The following FAM184B variants were observed in gnomAD, a reference collection of about 807,000 sequenced individuals.
FAM184B encodes the protein protein FAM184B.
In FAM184B, 111 loss-of-function variants were observed where a neutral mutation model predicts 135.9. The observed-to-expected ratio is 0.82, with a 90% confidence interval of 0.70 to 0.96. FAM184B has a LOEUF of 0.96. Among genes scored for constraint, FAM184B ranks in the 40% least tolerant of loss-of-function variants. The pLI is 0.00. For synonymous variants in FAM184B, 552 were observed against 524.8 expected (o/e 1.05, Z -0.71); for missense variants, 1,375 against 1,323.9 (o/e 1.04, Z -0.60).
intron 1 of FAM184B, among the ~76,000 whole-genome samples, chr4:17,721,888 C>T (rs544198015): frequency 7.2e-5 from 11 of 152,310 alleles, no homozygotes; most frequent in Admixed American, 3.9e-4. Flanking sequence ...ATGTGTTCCA[C>T]GCAGGAAGTT....
At chr4:17,767,854 T>C (rs1443577568) in intron 1 of FAM184B, among the ~76,000 whole-genome samples, 3 of 152,206 alleles carry the variant, frequency 2.0e-5, no homozygotes, top group African/African-American at 7.2e-5. Context: ...GAACTGAAAC[T>C]GAGTCTTCAA....
At chr4:17,673,218 C>T (rs995267397) in intron 7 of FAM184B, among the ~76,000 whole-genome samples, 6 of 151,836 alleles carry the variant, frequency 4.0e-5, no homozygotes, top group African/African-American at 1.5e-4. Flanking sequence ...TAATCAAAAC[C>T]ACAACGTGAT....
Position 17,635,112 on chromosome 4 carries a change from T to C in FAM184B, c.2786A>G (p.Glu929Gly), listed in dbSNP as rs1156939534. Residue 929 changes from glutamate (E) to glycine (G), a missense_variant and splice_region_variant, in exon 16 of 18, where the codon GAA becomes GGA. Coordinates refer to ENST00000265018, the MANE Select transcript of FAM184B (RefSeq NM_015688.2). Reference sequence around the variant, plus strand: ...TGCTGCGTAGTGAAATCTTCTCTCTTCCTAGAAAACCAATACAACTGAGTC... The same window carrying C: ...TGCTGCGTAGTGAAATCTTCTCTCTCCCTAGAAAACCAATACAACTGAGTC... ...EREDIIKQLT[E>G]ERRFHYAAFP... The C allele has an allele frequency of 1.3e-5, 20 of 1,550,898 alleles. No homozygotes were observed. Among genetic ancestry groups the C allele is most frequent in the East Asian group, 2.4e-5 (1 of 40,922 alleles).
chr4:17,781,081 CG>C lies in FAM184B; in HGVS notation c.141+77del. ...CTGTCTGGATTTGGCCCGGGCCTCC[CG>C]GGAGGCGCATCCGCACTGACTCCCG... On this transcript the variant is annotated intron_variant, in intron 1 of 17. Coordinates refer to ENST00000265018, the MANE Select transcript of FAM184B (RefSeq NM_015688.2). The surrounding 1 kb of genome is among the most constrained non-coding windows in gnomAD (Gnocchi z 6.5). 7.0e-7 allele frequency: 1 copy of C among 1,426,486 alleles called. No homozygotes were observed. 88.4% of individuals were successfully genotyped at this position (1,426,486 alleles called of 1,614,324 possible). A position where few individuals can be genotyped will look rare whatever the true frequency, so the allele number is the denominator to read the frequency against.
chr4:17,660,062 T>C lies in FAM184B; in HGVS notation c.1720A>G (p.Ser574Gly). The change falls in exon 9 of 18, where the codon AGT becomes GGT. Residue 574 changes from serine (S) to glycine (G), a missense_variant. Ser to Gly is a moderately conservative substitution (Grantham distance 56, BLOSUM62 0). Transcript: ENST00000265018. Reference sequence around the variant, plus strand: ...GAGCCCAGTGGAGGTTGTGGGTCACTTCCCTCCTTGAGAAGCACTTTGGTC... The same window carrying C: ...GAGCCCAGTGGAGGTTGTGGGTCACCTCCCTCCTTGAGAAGCACTTTGGTC... ...ERTKVLLKEG[S>G]DPQPPLGSLL... 6.4e-7 allele frequency: 1 copy of C among 1,551,554 alleles called. No homozygotes were observed. The highest frequency in any genetic ancestry group is 1.2e-5 in the South Asian group (1 of 84,042).
At chr4:17,734,881 C>G (rs1277740065) in intron 1 of FAM184B, among the ~76,000 whole-genome samples, 1 of 151,942 alleles carries the variant, frequency 6.6e-6, no homozygotes, top group Non-Finnish European at 1.5e-5. Context: ...CACATGCACA[C>G]GTATGTTTAC....
At chr4:17,725,701 T>C (rs772233946) in intron 1 of FAM184B, among the ~76,000 whole-genome samples, 4 of 152,180 alleles carry the variant, frequency 2.6e-5, no homozygotes, top group Admixed American at 1.3e-4. Context: ...GCCAGTCATA[T>C]AGCGTCTGTC....
At chr4:17,751,512 C>G (rs1388347265) in intron 1 of FAM184B, among the ~76,000 whole-genome samples, 2 of 152,020 alleles carry the variant, frequency 1.3e-5, no homozygotes, top group Non-Finnish European at 2.9e-5. Flanking sequence ...GCTCTACCTC[C>G]AGACTCCTTG....
chr4:17,654,174 G>A lies in FAM184B; in HGVS notation c.2038-1191C>T, dbSNP rs182514281. On this transcript the variant is annotated intron_variant, in intron 10 of 17. Coordinates refer to ENST00000265018, the MANE Select transcript of FAM184B (RefSeq NM_015688.2). ...TGCTAATTTGTTACAGCAGCAATAG[G>A]AAACTAATATAGTTTCTGCTTTTTT... Among the ~76,000 whole-genome samples, 922 of 151,026 alleles carry A rather than the reference G, an allele frequency of 6.1e-3. 11 individuals carry two copies. The highest frequency in any genetic ancestry group is 0.021 in the African/African-American group (867 of 41,036).
chr4:17,708,922 C>T lies in FAM184B; in HGVS notation c.864G>A (p.Lys288=), dbSNP rs973920768. 2.8e-5 allele frequency: 43 copies of T among 1,534,318 alleles called. No homozygotes were observed. Among genetic ancestry groups the T allele is most frequent in the Middle Eastern group, 1.7e-4 (1 of 5,914 alleles). ...HRGRKISDLK[K]YAQKLKERIQ... is the part of the protein sequence containing the mutation. Reference sequence around the variant, plus strand: ...TCCTCTCCTTCAGCTTCTGGGCGTACTTCTTCAGGTCACTTATCTTGCGGC... The same window carrying T: ...TCCTCTCCTTCAGCTTCTGGGCGTATTTCTTCAGGTCACTTATCTTGCGGC... The change falls in exon 2 of 18, where the codon AAG becomes AAA. Residue 288 remains lysine, a synonymous_variant. Coordinates refer to ENST00000265018, the MANE Select transcript of FAM184B (RefSeq NM_015688.2).
At chr4:17,678,105 T>A (rs1206171404) in intron 7 of FAM184B, among the ~76,000 whole-genome samples, 1 of 152,142 alleles carries the variant, frequency 6.6e-6, no homozygotes, top group Non-Finnish European at 1.5e-5. Flanking sequence ...CCCTAAGAAC[T>A]GGAACAAAAC....
At chr4:17,647,547 C>T in intron 12 of FAM184B, 90 bp downstream of exon 12, 1 of 1,439,714 alleles carries the variant, frequency 6.9e-7, no homozygotes, top group Non-Finnish European at 9.3e-7. Context: ...CTGCACTCAG[C>T]CTCAGAGCCC....
chr4:17,748,019 G>A (rs1718210774), intron 1 of FAM184B, among the ~76,000 whole-genome samples: 1 of 139,728 alleles, frequency 7.2e-6, no homozygotes, highest in South Asian at 2.3e-4. Flanking sequence ...CAGGAGAATC[G>A]CTTAAACCCG....
rs771310133 is a variant in FAM184B, at chr4:17,631,576, C to T, written c.*956G>A. ...TAACTGGGCTAGGATTGGTTATTTA[C>T]AGAAAAACCTTGTGGTACTTAATTC... On this transcript the variant is annotated 3_prime_UTR_variant, in exon 18 of 18. Transcript: ENST00000265018. 2 of 152,146 alleles carry T rather than the reference C, an allele frequency of 1.3e-5. No homozygotes were observed. Among genetic ancestry groups the T allele is most frequent in the Non-Finnish European group, 2.9e-5 (2 of 68,036 alleles). The allele number at this position is 152,146 out of a possible 1,614,324, so 9.4% of individuals were successfully genotyped here.
intron 6 of FAM184B, among the ~76,000 whole-genome samples, chr4:17,690,704 A>G (rs548589859): frequency 6.6e-6 from 1 of 152,338 alleles, no homozygotes; most frequent in East Asian, 1.9e-4. Context: ...AAATATTCAG[A>G]GGAGCTGGTG....
intron 1 of FAM184B, among the ~76,000 whole-genome samples, chr4:17,758,058 T>G (rs916263170): frequency 6.6e-6 from 1 of 152,298 alleles, no homozygotes; most frequent in African/African-American, 2.4e-5. Context: ...AAACTAATAC[T>G]ATATTCTCAC....
intron 1 of FAM184B, among the ~76,000 whole-genome samples, chr4:17,727,737 C>T (rs1717675452): frequency 6.6e-6 from 1 of 152,208 alleles, no homozygotes; most frequent in African/African-American, 2.4e-5. Context: ...GATCGAACCA[C>T]TTCCCACCAA....
intron 1 of FAM184B, among the ~76,000 whole-genome samples, chr4:17,717,208 G>A (rs1717415686): frequency 6.6e-6 from 1 of 152,190 alleles, no homozygotes; most frequent in Non-Finnish European, 1.5e-5. Flanking sequence ...CAGTTTTTGT[G>A]AGGATCAAAT....
chr4:17,686,200 C>G (rs1177160428), intron 7 of FAM184B, among the ~76,000 whole-genome samples: 2 of 152,330 alleles, frequency 1.3e-5, no homozygotes, highest in East Asian at 3.9e-4. Context: ...GGAATGCTAG[C>G]TCATGAGACT....
Sources: gnomAD v4.1 joint callset for allele counts (sites outside exome capture counted in the v4.1 genomes callset) on GRCh38, gnomAD v4.1.1 for gene constraint, Gnocchi (gnomAD v3.1) non-coding constraint, MANE v1.5 for transcripts, NCBI Gene and HGNC (gene_info 2026-07-23, HGNC 2026-07-21) for gene names.